Variants in NKAIN2 observed in about 807,000 individuals in gnomAD.
NKAIN2 encodes the protein sodium/potassium-transporting ATPase subunit beta-1-interacting protein 2.
A neutral mutation model predicts 32.6 loss-of-function variants in NKAIN2; 14 were observed. The ratio of observed to expected loss-of-function variants is 0.43; its 90% CI spans 0.28 to 0.67. The LOEUF is 0.67. NKAIN2 is among the 30% of genes least tolerant of loss of function. NKAIN2 has a pLI of 0.17. For synonymous variants in NKAIN2, 80 were observed against 87.2 expected (o/e 0.92, Z 0.46); for missense variants, 198 against 258.3 (o/e 0.77, Z 1.60).
At chr6:124,744,099 G>C (rs1449032763) in intron 4 of NKAIN2, among the ~76,000 whole-genome samples, 1 of 151,626 alleles carries the variant, frequency 6.6e-6, no homozygotes, top group African/African-American at 2.4e-5. Flanking sequence ...GTTTTCTTTA[G>C]GGATGGCTTG....
intron 1 of NKAIN2, among the ~76,000 whole-genome samples, chr6:123,974,365 G>A (rs1179947775): frequency 3.3e-5 from 5 of 152,198 alleles, no homozygotes; most frequent in East Asian, 3.9e-4. Flanking sequence ...AGTTCCTGCC[G>A]TGTTTCTTTT....
intron 1 of NKAIN2, among the ~76,000 whole-genome samples, chr6:124,193,221 C>T (rs887419080): frequency 8.5e-5 from 13 of 152,312 alleles, no homozygotes; most frequent in African/African-American, 2.6e-4. Flanking sequence ...CCCCTTGGGC[C>T]CATTTGGCCC....
intron 3 of NKAIN2, among the ~76,000 whole-genome samples, chr6:124,543,444 A>G (rs1402013438): frequency 6.6e-6 from 1 of 152,198 alleles, no homozygotes; most frequent in East Asian, 1.9e-4. Context: ...TTTATTAGAT[A>G]TAACTTCTAA....
At chr6:124,248,631 T>G (rs964130453) in intron 1 of NKAIN2, among the ~76,000 whole-genome samples, 3 of 152,230 alleles carry the variant, frequency 2.0e-5, no homozygotes, top group Admixed American at 2.0e-4. Flanking sequence ...AGTTTATAAT[T>G]GTGTATGTGG....
At chr6:124,511,708 T>A (rs918298693) in intron 3 of NKAIN2, among the ~76,000 whole-genome samples, 2 of 152,164 alleles carry the variant, frequency 1.3e-5, no homozygotes, top group African/African-American at 4.8e-5. Flanking sequence ...TCTTTGTGGA[T>A]TTCAGGCATT....
chr6:124,747,455 T>G (rs532703797), intron 4 of NKAIN2, among the ~76,000 whole-genome samples: 1 of 151,974 alleles, frequency 6.6e-6, no homozygotes, highest in South Asian at 2.1e-4. Flanking sequence ...ATGTGAAAAC[T>G]TGACTGGTCC....
chr6:124,331,391 T>G (rs868774371), intron 2 of NKAIN2, among the ~76,000 whole-genome samples: 23 of 107,554 alleles, frequency 2.1e-4, no homozygotes, highest in Middle Eastern at 6.8e-3. Flanking sequence ...TAGCTGGGCG[T>G]GGTGGCGGAT....
intron 1 of NKAIN2, among the ~76,000 whole-genome samples, chr6:123,965,803 C>A (rs1267991): frequency 0.35 from 52,772 of 152,074 alleles, 9,290 homozygotes; most frequent in African/African-American, 0.41. Context: ...GAATTCACAA[C>A]TTAATTTGTT....
intron 3 of NKAIN2, among the ~76,000 whole-genome samples, chr6:124,614,451 A>T (rs1228082511): frequency 6.6e-6 from 1 of 152,096 alleles, no homozygotes; most frequent in Non-Finnish European, 1.5e-5. Context: ...TCCTTAGTCA[A>T]CCATTTTTCT....
intron 3 of NKAIN2, among the ~76,000 whole-genome samples, chr6:124,456,671 A>G (rs1242337094): frequency 2.0e-5 from 3 of 151,816 alleles, no homozygotes; most frequent in Admixed American, 6.6e-5. Flanking sequence ...AAACTATTTT[A>G]TACTTTATTA....
At chr6:123,900,834 C>T (rs1207722047) in intron 1 of NKAIN2, among the ~76,000 whole-genome samples, 3 of 152,002 alleles carry the variant, frequency 2.0e-5, no homozygotes, top group African/African-American at 7.2e-5. Context: ...TGGGACATGG[C>T]TACCTCAGAC....
intron 3 of NKAIN2, among the ~76,000 whole-genome samples, chr6:124,633,135 G>T (rs1424549072): frequency 2.0e-5 from 3 of 152,110 alleles, no homozygotes; most frequent in African/African-American, 7.2e-5. Context: ...GGGTGACAAA[G>T]GGAATTTCCT....
Position 123,964,527 on chromosome 6 carries a change from A to T in NKAIN2, c.54+160273A>T, listed in dbSNP as rs1777990455. ...TTCCTTCTCATCTCTATATCATCTCATTTCTATATCATATTATTTCCTCAT... is the reference window on the plus strand; with the variant it reads ...TTCCTTCTCATCTCTATATCATCTCTTTTCTATATCATATTATTTCCTCAT... On this transcript the variant is annotated intron_variant, in intron 1 of 6. Coordinates refer to ENST00000368417, the MANE Select transcript of NKAIN2 (RefSeq NM_001040214.3). This position sits in a 1 kb window ranked among gnomAD's most constrained non-coding sequence, Gnocchi z 4.0. 6.6e-6 allele frequency among the ~76,000 whole-genome samples: 1 copy of T among 152,098 alleles called. No homozygotes were observed. Among genetic ancestry groups the T allele is most frequent in the African/African-American group, 2.4e-5 (1 of 41,404 alleles).
intron 1 of NKAIN2, among the ~76,000 whole-genome samples, chr6:123,924,137 T>A (rs1775900207): frequency 6.6e-6 from 1 of 152,190 alleles, no homozygotes; most frequent in South Asian, 2.1e-4. Context: ...TTCTTTTCAG[T>A]TGAATTGAAG....
intron 1 of NKAIN2, among the ~76,000 whole-genome samples, chr6:124,115,629 T>G (rs1785572937): frequency 1.3e-5 from 2 of 152,152 alleles, no homozygotes; most frequent in South Asian, 4.1e-4. Context: ...ATAGCACTGC[T>G]TAATCAGCAA....
intron 1 of NKAIN2, among the ~76,000 whole-genome samples, chr6:124,066,797 T>A (rs2114869475): frequency 6.6e-6 from 1 of 152,186 alleles, no homozygotes; most frequent in Admixed American, 6.5e-5. Flanking sequence ...GTGCAGAGCA[T>A]ATTCTAAGGA....
intron 3 of NKAIN2, among the ~76,000 whole-genome samples, chr6:124,523,113 C>A (rs599225): frequency 0.68 from 40,680 of 60,148 alleles, 15,535 homozygotes; most frequent in East Asian, 0.99. Flanking sequence ...ACAGCACTCC[C>A]GCCTGGGCGA....
chr6:124,130,218 G>A (rs1289975568), intron 1 of NKAIN2, among the ~76,000 whole-genome samples: 2 of 152,098 alleles, frequency 1.3e-5, no homozygotes, highest in Non-Finnish European at 2.9e-5. Context: ...AGGCAAAGGG[G>A]GTGGTATTTT....
intron 2 of NKAIN2, among the ~76,000 whole-genome samples, chr6:124,309,130 T>C (rs376353736): frequency 2.6e-5 from 4 of 152,130 alleles, no homozygotes; most frequent in African/African-American, 9.6e-5. Flanking sequence ...TGAAGCTCAC[T>C]CACATACTAG....
Sources: allele counts gnomAD v4.1 joint callset (sites outside exome capture counted in the v4.1 genomes callset), GRCh38; gene constraint gnomAD v4.1.1; non-coding constraint Gnocchi (gnomAD v3.1); transcripts MANE v1.5; gene names NCBI Gene and HGNC (gene_info 2026-07-23, HGNC 2026-07-21).